Variants in GALNS observed in about 807,000 individuals in gnomAD.
GALNS encodes the protein galactosamine (N-acetyl)-6-sulfatase, also known as N-acetylgalactosamine-6-sulfatase.
GALNS carries 65 observed loss-of-function variants against 65.9 expected under a neutral mutation model. That is an observed-to-expected ratio of 0.99 (90% CI 0.81 to 1.21). The LOEUF (loss-of-function observed/expected upper bound fraction) is 1.21. Among genes scored for constraint, GALNS ranks in the 50% most tolerant of loss-of-function variants. The pLI is 0.00. For missense variants in GALNS, 776 were observed against 700.7 expected, an observed-to-expected ratio of 1.11 and a Z score of -1.21; for synonymous variants, 346 against 288.9, an observed-to-expected ratio of 1.20 and a Z score of -2.00.
chr16:88,851,582 G>A (rs910940371), intron 1 of GALNS, among the ~76,000 whole-genome samples: 7 of 152,218 alleles, frequency 4.6e-5, no homozygotes, highest in Admixed American at 1.3e-4. Flanking sequence ...AGTGCGAGGG[G>A]TTGGGGGATT....
intron 1 of GALNS, among the ~76,000 whole-genome samples, chr16:88,850,142 CA>C (rs1482991200): frequency 2.0e-5 from 3 of 152,254 alleles, no homozygotes; most frequent in African/African-American, 7.2e-5. Flanking sequence ...TACAGAATGG[CA>C]GGTGGGCCGG....
intron 8 of GALNS, 92 bp from the exon 9 acceptor site, chr16:88,832,193 G>C: frequency 8.5e-7 from 1 of 1,169,666 alleles, no homozygotes; most frequent in South Asian, 1.3e-5. Flanking sequence ...ACTGGTCATA[G>C]GGACAAAGGG....
At chr16:88,844,665 G>A (rs971570135) in intron 1 of GALNS, 2 of 152,318 alleles carry the variant, frequency 1.3e-5, no homozygotes, top group Non-Finnish European at 2.9e-5. Flanking sequence ...ACCTGGGAAA[G>A]ACAACACATT....
At chr16:88,837,859 G>T (rs1912305331) in intron 4 of GALNS, 94 bp from the exon 5 acceptor site, 3 of 1,357,790 alleles carry the variant, frequency 2.2e-6, no homozygotes, top group East Asian at 2.3e-5. Context: ...AAAATTCTTG[G>T]TAAGACGAGC....
At chr16:88,843,438 T>C in intron 1 of GALNS, 1 of 351,670 alleles carries the variant, frequency 2.8e-6, no homozygotes, top group East Asian at 7.5e-5. Flanking sequence ...TGAGCGCCCA[T>C]CGGCAGACGA....
At chr16:88,850,702 C>T (rs911263424) in intron 1 of GALNS, among the ~76,000 whole-genome samples, 9 of 152,188 alleles carry the variant, frequency 5.9e-5, no homozygotes, top group Non-Finnish European at 1.3e-4. Flanking sequence ...TGGAACCCTC[C>T]CCAGGCGGAG....
intron 13 of GALNS, chr16:88,815,166 G>A (rs1909494026): frequency 1.0e-6 from 1 of 985,468 alleles, no homozygotes; most frequent in Admixed American, 6.1e-5. Context: ...CTTGGGAGAT[G>A]GCACCCTCTT....
In GALNS at chr16:88,856,771, A is replaced by C. The variant is rs755832705; in HGVS notation, c.107T>G (p.Leu36Arg). 4 of 1,535,598 alleles carry C rather than the reference A, an allele frequency of 2.6e-6. No homozygotes were observed. The South Asian group carries it at 4.7e-5, about 18-fold the overall frequency. The change falls in exon 1 of 14, where the codon CTG becomes CGG. Residue 36 changes from leucine (L) to arginine (R), a missense_variant. Physicochemically the swap from Leu to Arg is moderately radical, Grantham distance 102 (BLOSUM62 -2). Transcript: ENST00000268695. ...GAPQPPNILL[L>R]LMDDMGWGDL... ...GCCCGCACTCACGTCGTCCATGAGC[A>C]GGAGCAGGATGTTGGGGGGCTGCGG...
chr16:88,853,423 G>C (rs1967601601), intron 1 of GALNS, among the ~76,000 whole-genome samples: 2 of 152,196 alleles, frequency 1.3e-5, no homozygotes, highest in African/African-American at 4.8e-5. Flanking sequence ...GAGCAGGCCA[G>C]TGCTTGTCTG....
chr16:88,817,177 G>A (rs1909718766), intron 13 of GALNS: 1 of 985,304 alleles, frequency 1.0e-6, no homozygotes, highest in African/African-American at 1.7e-5. Context: ...CCACCCTATG[G>A]GACCCCCAAG....
chr16:88,841,897 C>G lies in GALNS; in HGVS notation c.319G>C (p.Ala107Pro), dbSNP rs763184657. The G allele has an allele frequency of 6.2e-7, 1 of 1,612,436 alleles. No individual in the cohort carries two copies. Among genetic ancestry groups the G allele is most frequent in the Admixed American group, 1.7e-5 (1 of 59,840 alleles). Residue 107 changes from alanine (A) to proline (P), a missense_variant and splice_region_variant, in exon 3 of 14, where the codon GCC (alanine) becomes CCC (proline). Transcript: ENST00000268695. ...TCCCTGGAGGCGGTGGGCAGCCTAC[C>G]GTTTCTGGCATGGGCGTTGGTGGTG... ...FYTTNAHARN[A>P]YTPQEIVGGI...
At chr16:88,856,682 C>T in intron 1 of GALNS, 76 bp downstream of exon 1, 1 of 557,936 alleles carries the variant, frequency 1.8e-6, no homozygotes, top group East Asian at 3.3e-5. Context: ...CCTTCCCCCA[C>T]CTCGCTCCTC....
chr16:88,851,968 C>T (rs182887853), intron 1 of GALNS, among the ~76,000 whole-genome samples: 3 of 152,382 alleles, frequency 2.0e-5, no homozygotes, highest in African/African-American at 7.2e-5. Flanking sequence ...CTTCGGCAGA[C>T]TTAAACGTCC....
chr16:88,832,168 CACT>C, intron 8 of GALNS, 67 bp from the exon 9 acceptor site: 1 of 1,315,342 alleles, frequency 7.6e-7, no homozygotes, highest in South Asian at 1.2e-5. Flanking sequence ...CCTCCCTCCC[CACT>C]GAGTCACTGA....
chr16:88,838,945 A>C (rs991054316), intron 4 of GALNS: 2 of 152,612 alleles, frequency 1.3e-5, no homozygotes, highest in African/African-American at 4.8e-5. Context: ...CTCCTCTCTC[A>C]GGTAAGCACG....
chr16:88,834,356 GC>G (rs368259655), intron 8 of GALNS, among the ~76,000 whole-genome samples: 22 of 106,372 alleles, frequency 2.1e-4, no homozygotes, highest in African/African-American at 4.9e-4. Context: ...AGGCTGCAGG[GC>G]CCCCCCCCGC....
rs1912286035 is a variant in GALNS, at chr16:88,837,710, A to G, written c.478T>C (p.Phe160Leu). 3.1e-6 allele frequency: 5 copies of G among 1,613,972 alleles called. No individual in the cohort carries two copies. The East Asian group carries it at 1.1e-4, about 36-fold the overall frequency. Residue 160 changes from phenylalanine to leucine, a missense_variant, in exon 5 of 14, where the codon TTT (phenylalanine) becomes CTT (leucine). Coordinates refer to ENST00000268695, the MANE Select transcript of GALNS (RefSeq NM_000512.5). The part of the protein sequence containing the change: ...HPLKHGFDEW[F>L]GSPNCHFGPY... ...CCAAAGTGGCAGTTGGGGGATCCAA[A>G]CCACTCATCAAATCCGTGCTTCAGG...
rs3933762 is a variant in GALNS, at chr16:88,831,841, T to C, written c.1002+157A>G. On this transcript the variant is annotated intron_variant, in intron 9 of 13. Coordinates refer to ENST00000268695, the MANE Select transcript of GALNS (RefSeq NM_000512.5). ...GGGAGGAGGGTGGTGAGGCTGAGCA[T>C]GGGGTGCGTGGAGGCTGAGCACAGG... 4.7e-3 allele frequency among the ~76,000 whole-genome samples: 450 copies of C among 95,480 alleles called. 19 individuals are homozygous for C. The highest frequency in any genetic ancestry group is 0.019 in the African/African-American group (404 of 21,686). 62.6% of individuals were successfully genotyped at this position (95,480 alleles called of 152,430 possible).
intron 4 of GALNS, among the ~76,000 whole-genome samples, chr16:88,839,262 G>A (rs953526827): frequency 2.7e-5 from 4 of 146,248 alleles, no homozygotes; most frequent in Non-Finnish European, 6.0e-5. Context: ...GCAGGTCACC[G>A]CCCGGCCACA....
Sources: allele counts gnomAD v4.1 joint callset (sites outside exome capture counted in the v4.1 genomes callset), GRCh38; gene constraint gnomAD v4.1.1; transcripts MANE v1.5; gene names NCBI Gene and HGNC (gene_info 2026-07-23, HGNC 2026-07-21).